The following PASD1 variants were observed in gnomAD, a reference collection of about 807,000 sequenced individuals.
PASD1 encodes the protein circadian clock protein PASD1.
PASD1 carries 13 observed loss-of-function variants against 58.8 expected under a neutral mutation model. The ratio of observed to expected loss-of-function variants is 0.22; its 90% CI spans 0.14 to 0.35. The LOEUF (loss-of-function observed/expected upper bound fraction) is 0.35, where lower values mean the gene tolerates loss of function less well. Ranked by LOEUF, PASD1 falls within the 10% of genes least tolerant of loss-of-function variation. PASD1 has a pLI of 1.00. For synonymous variants in PASD1, 236 were observed against 216.7 expected (o/e 1.09, Z -0.78); for missense variants, 734 against 568.3 (o/e 1.29, Z -2.96).
At chrX:151,583,644 A>G (rs1208256412) in intron 1 of PASD1, among the ~76,000 whole-genome samples, 4 of 112,200 alleles carry the variant, frequency 3.6e-5, no homozygotes, top group Admixed American at 9.5e-5. Context: ...TCTTGATGAA[A>G]TCCTTTCTAA....
In PASD1 at chrX:151,592,113, A is replaced by T. The variant is rs751334558; in HGVS notation, c.-27-9414A>T. On this transcript the variant is annotated intron_variant, in intron 1 of 15. Coordinates refer to ENST00000370357, the MANE Select transcript of PASD1 (RefSeq NM_173493.3). ...TATATTGCTGTTGTTCTTCAAAGTT[A>T]TTGTAGGTATTTTGGCCCTTTACTT... 2.9e-4 allele frequency among the ~76,000 whole-genome samples: 33 copies of T among 112,099 alleles called. 1 individual carries two copies. The highest frequency in any genetic ancestry group is 9.5e-5 in the Admixed American group (1 of 10,505).
chrX:151,599,733 C>T (rs1424138147), intron 1 of PASD1, among the ~76,000 whole-genome samples: 7 of 107,980 alleles, frequency 6.5e-5, no homozygotes, highest in African/African-American at 2.4e-4. Flanking sequence ...CGCTCCTCAC[C>T]TCCTAGATGG....
intron 9 of PASD1, among the ~76,000 whole-genome samples, chrX:151,649,533 T>A (rs1033154666): frequency 3.6e-5 from 4 of 111,805 alleles, no homozygotes; most frequent in Non-Finnish European, 7.5e-5. Flanking sequence ...GATATAATAA[T>A]GCTCAAAGGA....
intron 6 of PASD1, 85 bp from the exon 7 acceptor site, chrX:151,622,852 A>C: frequency 2.0e-6 from 2 of 1,002,724 alleles, no homozygotes; most frequent in Non-Finnish European, 2.7e-6. Context: ...TGGGTTAGCA[A>C]ACAGCACATG....
intron 8 of PASD1, among the ~76,000 whole-genome samples, chrX:151,643,486 A>G (rs1246216250): frequency 8.9e-6 from 1 of 111,929 alleles, no homozygotes; most frequent in Non-Finnish European, 1.9e-5. Context: ...AGACATACAC[A>G]TTTTGGTAAT....
intron 1 of PASD1, among the ~76,000 whole-genome samples, chrX:151,568,929 A>G (rs1377236699): frequency 1.8e-5 from 2 of 111,243 alleles, no homozygotes; most frequent in Non-Finnish European, 3.8e-5. Flanking sequence ...GCTTAGCACC[A>G]TTTTGCAGGT....
chrX:151,638,281 C>T (rs2013955668), intron 8 of PASD1, among the ~76,000 whole-genome samples: 1 of 107,241 alleles, frequency 9.3e-6, no homozygotes, highest in African/African-American at 3.4e-5. Flanking sequence ...ACATCACACA[C>T]TGGGGCCTTT....
intron 5 of PASD1, 61 bp downstream of exon 5, chrX:151,621,090 A>G: frequency 1.4e-6 from 1 of 727,354 alleles, no homozygotes; most frequent in Non-Finnish European, 2.0e-6. Flanking sequence ...ACAATCGCTC[A>G]ATGGATTAAT....
intron 7 of PASD1, among the ~76,000 whole-genome samples, chrX:151,625,107 T>G: frequency 8.9e-6 from 1 of 112,209 alleles, no homozygotes; most frequent in Non-Finnish European, 1.9e-5. Flanking sequence ...TTGTTCCATA[T>G]TAGTGGACAT....
At chrX:151,613,381 G>A (rs57389927) in intron 4 of PASD1, among the ~76,000 whole-genome samples, 7,001 of 107,838 alleles carry the variant, frequency 0.065, 241 homozygotes, top group African/African-American at 0.11. Flanking sequence ...TGATGGGGAT[G>A]GCATTGAATC....
chrX:151,570,354 T>C (rs2012909619), intron 1 of PASD1, among the ~76,000 whole-genome samples: 1 of 112,453 alleles, frequency 8.9e-6, no homozygotes, highest in African/African-American at 3.2e-5. Flanking sequence ...AATACTCTAA[T>C]GTGGCAATGT....
At chrX:151,574,336 A>G (rs2012969711) in intron 1 of PASD1, among the ~76,000 whole-genome samples, 1 of 112,196 alleles carries the variant, frequency 8.9e-6, no homozygotes, top group African/African-American at 3.2e-5. Flanking sequence ...TGGGTGCTGC[A>G]GACAGGGAGA....
intron 8 of PASD1, among the ~76,000 whole-genome samples, chrX:151,646,025 T>C (rs1317132845): frequency 4.5e-5 from 5 of 110,439 alleles, no homozygotes; most frequent in Non-Finnish European, 9.4e-5. Flanking sequence ...ATCTTCCCAC[T>C]TCAGCCTCCT....
chrX:151,572,141 A>C (rs1021060278), intron 1 of PASD1, among the ~76,000 whole-genome samples: 1 of 111,585 alleles, frequency 9.0e-6, no homozygotes. Context: ...ACCTTTTAAC[A>C]TTCCAGCTGC....
intron 11 of PASD1, among the ~76,000 whole-genome samples, chrX:151,666,158 G>A (rs2014377023): frequency 9.1e-6 from 1 of 109,733 alleles, no homozygotes; most frequent in Non-Finnish European, 1.9e-5. Context: ...AGTTGCAAGT[G>A]TAGGTACCTT....
intron 1 of PASD1, among the ~76,000 whole-genome samples, chrX:151,599,110 C>T (rs780564607): frequency 8.9e-6 from 1 of 112,081 alleles, no homozygotes; most frequent in African/African-American, 3.2e-5. Context: ...GTGGACACAG[C>T]ATATGTTTCA....
intron 1 of PASD1, among the ~76,000 whole-genome samples, chrX:151,595,455 A>C: frequency 9.0e-6 from 1 of 111,015 alleles, no homozygotes; most frequent in Non-Finnish European, 1.9e-5. Flanking sequence ...GCAGTGGCTT[A>C]CGCCTGTAAT....
At chrX:151,627,030 T>G (rs962738941) in intron 8 of PASD1, among the ~76,000 whole-genome samples, 2 of 111,645 alleles carry the variant, frequency 1.8e-5, no homozygotes, top group Non-Finnish European at 3.8e-5. Flanking sequence ...TTTGCTTGAT[T>G]AAAAATTCTT....
chrX:151,597,806 C>T (rs1255832953), intron 1 of PASD1, among the ~76,000 whole-genome samples: 1 of 111,931 alleles, frequency 8.9e-6, no homozygotes. Flanking sequence ...TCTCAGCTCA[C>T]TGCAATCTCT....
Sources: gnomAD v4.1 joint callset for allele counts (sites outside exome capture counted in the v4.1 genomes callset) on GRCh38, gnomAD v4.1.1 for gene constraint, MANE v1.5 for transcripts, NCBI Gene and HGNC (gene_info 2026-07-23, HGNC 2026-07-21) for gene names.